HK2: variants seen among roughly 807,000 people sequenced by gnomAD.
HK2 encodes hexokinase 2.
Under a neutral mutation model 92.9 loss-of-function variants are expected in HK2, and 42 were observed. The observed-to-expected ratio is 0.45, with a 90% CI of 0.35 to 0.58. HK2 has a LOEUF of 0.58. HK2 is among the 20% of genes least tolerant of loss of function. The pLI is 0.00. For synonymous variants in HK2, 422 were observed against 468.0 expected (o/e 0.90, Z 1.27); for missense variants, 978 against 1,245.1 (o/e 0.79, Z 3.23).
At position 74,880,556 on chromosome 2, in the gene HK2, C is replaced by T. The variant is rs544063664; in HGVS notation, c.1557C>T (p.Thr519=). ...VKMLPTYVCA[T]PDGTEKGDFL... is the part of the protein sequence containing the mutation. Reference sequence around the variant, plus strand: ...TGCTGCCCACCTACGTGTGTGCTACCCCGGACGGCACAGGTACACGGCAGG... The same window carrying T: ...TGCTGCCCACCTACGTGTGTGCTACTCCGGACGGCACAGGTACACGGCAGG... The change falls in exon 10 of 18, where the codon ACC becomes ACT. Residue 519 remains threonine (T), a synonymous_variant. Coordinates refer to ENST00000290573, the MANE Select transcript of HK2 (RefSeq NM_000189.5). 2.5e-6 allele frequency: 4 copies of T among 1,613,884 alleles called. No individual in the cohort carries two copies. The highest frequency in any genetic ancestry group is 1.3e-5 in the African/African-American group (1 of 75,038).
rs1689583303 is a variant in HK2, at chr2:74,888,066, C to A, written c.2375+8C>A. 1 of 1,613,944 alleles carries A rather than the reference C, an allele frequency of 6.2e-7. No homozygotes were observed. The highest frequency in any genetic ancestry group is 1.3e-5 in the African/African-American group (1 of 74,920). ...CTTGTCTCAGATTGAGAGGTGAGAGCTTAGGGCTCAGGGTAGCAGGGGGGC... is the reference window on the plus strand; with the variant it reads ...CTTGTCTCAGATTGAGAGGTGAGAGATTAGGGCTCAGGGTAGCAGGGGGGC... On this transcript the variant is annotated splice_region_variant and intron_variant, in intron 16 of 17. Coordinates refer to ENST00000290573, the MANE Select transcript of HK2 (RefSeq NM_000189.5).
rs145465326 is a variant in HK2 at position 74,887,946 on chromosome 2, C to T, written c.2263C>T (p.Arg755Cys). ...ISGMYLGEIV[R>C]NILIDFTKRG... ...TGGAATGTACCTGGGTGAGATTGTC[C>T]GTAACATTCTCATCGATTTCACCAA... The change falls in exon 16 of 18, where the codon CGT (arginine) becomes TGT (cysteine). Residue 755 changes from arginine to cysteine, a missense_variant. Transcript: ENST00000290573. The T allele has an allele frequency of 2.6e-5, 42 of 1,613,548 alleles. No individual in the cohort carries two copies. The highest frequency in any genetic ancestry group is 1.3e-4 in the East Asian group (6 of 44,882).
At chr2:74,873,997 G>C in intron 6 of HK2, 54 bp downstream of exon 6, 1 of 1,355,174 alleles carries the variant, frequency 7.4e-7, no homozygotes, top group African/African-American at 1.4e-5. Context: ...TGGGGGTGTG[G>C]GCTGGAAAGG....
At chr2:74,838,320 C>G (rs566075708) in intron 1 of HK2, among the ~76,000 whole-genome samples, 1 of 152,178 alleles carries the variant, frequency 6.6e-6, no homozygotes, top group African/African-American at 2.4e-5. Flanking sequence ...AGTGGAGGAG[C>G]TGGGCAGGGC....
chr2:74,874,337 A>G lies in HK2; in HGVS notation c.763A>G (p.Met255Val). 6.2e-7 allele frequency: 1 copy of G among 1,614,114 alleles called. No individual in the cohort carries two copies. The highest frequency in any genetic ancestry group is 8.5e-7 in the Non-Finnish European group (1 of 1,180,024). Residue 255 changes from methionine (M) to valine (V), a missense_variant, in exon 7 of 18, where the codon ATG (methionine) becomes GTG (valine). By Grantham distance (21) the Met-to-Val change is conservative. Transcript: ENST00000290573. ...IDMVEGDEGR[M>V]CINMEWGAFG... ...CATGGTGGAAGGCGATGAGGGGCGG[A>G]TGTGTATCAATATGGAGTGGGGGGC...
chr2:74,861,632 G>A (rs1247497945), intron 2 of HK2, among the ~76,000 whole-genome samples: 2 of 152,328 alleles, frequency 1.3e-5, no homozygotes, highest in South Asian at 2.1e-4. Flanking sequence ...TGTAAGCATA[G>A]ATAGTCCTGA....
intron 7 of HK2, among the ~76,000 whole-genome samples, chr2:74,875,389 C>G (rs757684519): frequency 4.4e-4 from 59 of 133,694 alleles, no homozygotes; most frequent in Non-Finnish European, 8.1e-4. Flanking sequence ...TGTGCAATGG[C>G]GCAATCTTGG....
Position 74,834,589 on chromosome 2 carries a change from C to T in HK2, c.9C>T (p.Ala3=). ...CGTCGGGCCGCGGCAGGATGATTGC[C>T]TCGCATCTGCTTGCCTACTTCTTCA... MI[A]SHLLAYFFTE... Residue 3 remains alanine (A), a synonymous_variant, in exon 1 of 18, where the codon GCC becomes GCT. Transcript: ENST00000290573. This position sits in a 1 kb window ranked among gnomAD's most constrained non-coding sequence, Gnocchi z 4.2. 3 of 1,613,928 alleles carry T rather than the reference C, an allele frequency of 1.9e-6. 1 individual carries two copies. Among genetic ancestry groups the T allele is most frequent in the South Asian group, 2.2e-5 (2 of 91,086 alleles).
At chr2:74,878,578 A>G (rs2103979212) in intron 8 of HK2, 110 bp from the exon 9 acceptor site, 2 of 847,948 alleles carry the variant, frequency 2.4e-6, no homozygotes, top group Middle Eastern at 2.2e-4. Context: ...TTCTGTCCCC[A>G]CTGGGTGGTG....
intron 1 of HK2, among the ~76,000 whole-genome samples, chr2:74,843,613 C>T (rs902513343): frequency 6.6e-6 from 1 of 152,176 alleles, no homozygotes; most frequent in African/African-American, 2.4e-5. Flanking sequence ...GCCCACCCAC[C>T]TCCTGCCCAC....
intron 2 of HK2, among the ~76,000 whole-genome samples, chr2:74,861,278 G>A (rs1471218503): frequency 4.6e-5 from 7 of 152,248 alleles, no homozygotes; most frequent in Middle Eastern, 6.8e-3. Context: ...AAAATTAGCC[G>A]GTTGTGGTGG....
At chr2:74,868,713 C>A (rs900011411) in intron 3 of HK2, among the ~76,000 whole-genome samples, 9 of 151,990 alleles carry the variant, frequency 5.9e-5, no homozygotes, top group African/African-American at 2.2e-4. Context: ...GGGCCACATC[C>A]CCCAGATGAT....
Position 74,873,338 on chromosome 2 carries a change from G to A in HK2, c.558G>A (p.Val186=), listed in dbSNP as rs147398307. Residue 186 remains valine (V), a synonymous_variant, in exon 5 of 18, where the codon GTG becomes GTA. Transcript: ENST00000290573. The part of the protein sequence containing the change: ...KSSGVEGRDV[V]ALIRKAIQRR... ...GTGGAGTGGAAGGCAGAGACGTTGT[G>A]GCTCTGATCCGGAAGGCCATCCAGA... 6.2e-7 allele frequency: 1 copy of A among 1,614,090 alleles called. No individual in the cohort carries two copies. The highest frequency in any genetic ancestry group is 8.5e-7 in the Non-Finnish European group (1 of 1,179,924).
At chr2:74,845,814 C>T (rs1439739665) in intron 1 of HK2, among the ~76,000 whole-genome samples, 3 of 152,214 alleles carry the variant, frequency 2.0e-5, no homozygotes, top group Non-Finnish European at 4.4e-5. Flanking sequence ...TGTGTGTCTT[C>T]CCCCCGGCTC....
intron 2 of HK2, among the ~76,000 whole-genome samples, chr2:74,857,489 G>A (rs1573366696): frequency 1.3e-5 from 2 of 152,100 alleles, no homozygotes; most frequent in African/African-American, 4.8e-5. Context: ...GCTGAATAAT[G>A]TTCATTACAG....
Position 74,877,161 on chromosome 2 carries a change from G to A in HK2, c.876-5G>A, listed in dbSNP as rs377352232. On this transcript the variant is annotated splice_polypyrimidine_tract_variant and splice_region_variant and intron_variant, in intron 7 of 17. Coordinates refer to ENST00000290573, the MANE Select transcript of HK2 (RefSeq NM_000189.5). Reference sequence around the variant, plus strand: ...TTTATGTTTTTGGTTTGTGTCTTCCGGCAGGTTTGAGAAGATGATCAGTGG... The same window carrying A: ...TTTATGTTTTTGGTTTGTGTCTTCCAGCAGGTTTGAGAAGATGATCAGTGG... 3.7e-6 allele frequency: 6 copies of A among 1,613,728 alleles called. No homozygotes were observed. The highest frequency in any genetic ancestry group is 1.1e-5 in the South Asian group (1 of 91,072).
Position 74,891,410 on chromosome 2 carries a change from A to G in HK2, c.*469A>G, listed in dbSNP as rs1347769413. On this transcript the variant is annotated 3_prime_UTR_variant, in exon 18 of 18. Transcript: ENST00000290573. ...CTGAGGATGTGAGCCTGATTATCCT[A>G]TAGGCAGACGTGGGGAGGGTGGAGG... is the stretch of plus-strand genomic sequence containing the variant. 9.9e-6 allele frequency: 2 copies of G among 202,060 alleles called. No homozygotes were observed. Among genetic ancestry groups the G allele is most frequent in the East Asian group, 1.3e-4 (1 of 7,840 alleles). The allele number at this position is 202,060 out of a possible 1,614,324, so 12.5% of individuals were successfully genotyped here.
intron 2 of HK2, among the ~76,000 whole-genome samples, chr2:74,856,353 C>A (rs1453666400): frequency 1.3e-5 from 2 of 152,122 alleles, no homozygotes; most frequent in Non-Finnish European, 2.9e-5. Flanking sequence ...GAGGGTATGA[C>A]CTTGCTTAGG....
intron 7 of HK2, among the ~76,000 whole-genome samples, chr2:74,875,828 C>G (rs1477019412): frequency 6.6e-6 from 1 of 152,154 alleles, no homozygotes; most frequent in Non-Finnish European, 1.5e-5. Flanking sequence ...TTCCGAGGAA[C>G]TAAAGGCCCT....
Sources: allele counts gnomAD v4.1 joint callset (sites outside exome capture counted in the v4.1 genomes callset), GRCh38; gene constraint gnomAD v4.1.1; non-coding constraint Gnocchi (gnomAD v3.1); transcripts MANE v1.5; gene names NCBI Gene and HGNC (gene_info 2026-07-23, HGNC 2026-07-21).